The following DCAF4 variants were observed in gnomAD, a reference collection of about 807,000 sequenced individuals.
DCAF4 encodes the protein DDB1- and CUL4-associated factor 4.
In DCAF4, 37 loss-of-function variants were observed where a neutral mutation model predicts 60.9. The observed-to-expected ratio is 0.61, with a 90% CI of 0.47 to 0.80. DCAF4 has a LOEUF of 0.80. DCAF4 is among the 30% of genes least tolerant of loss of function. The pLI is 0.00. For missense variants in DCAF4, 577 were observed against 650.0 expected (o/e 0.89, Z 1.22); for synonymous variants, 243 against 254.8 (o/e 0.95, Z 0.44).
chr14:72,945,797 G>A, intron 6 of DCAF4, 87 bp from the exon 7 acceptor site: 1 of 1,546,882 alleles, frequency 6.5e-7, no homozygotes. Flanking sequence ...ACAGAGCATG[G>A]GGGCCAGGAG....
intron 1 of DCAF4, among the ~76,000 whole-genome samples, chr14:72,936,286 G>A (rs555594347): frequency 2.0e-5 from 3 of 152,288 alleles, no homozygotes; most frequent in African/African-American, 7.2e-5. Context: ...TTTTGGAGCC[G>A]GGCTTGGTGG....
intron 11 of DCAF4, among the ~76,000 whole-genome samples, chr14:72,955,047 G>A (rs1567328140): frequency 1.3e-5 from 2 of 151,222 alleles, no homozygotes; most frequent in Non-Finnish European, 2.9e-5. Context: ...GGAGGCGGAG[G>A]TTGCAGTGAG....
At chr14:72,961,290 C>T (rs766750331), downstream of DCAF4, among the ~76,000 whole-genome samples, 6 of 152,196 alleles carry the variant, frequency 3.9e-5, no homozygotes, top group Admixed American at 6.5e-5. Flanking sequence ...TTCCGCTCTT[C>T]CCAACTCTGA....
chr14:72,953,594 C>T (rs948905540), intron 9 of DCAF4, among the ~76,000 whole-genome samples: 2 of 148,930 alleles, frequency 1.3e-5, no homozygotes, highest in African/African-American at 5.0e-5. Context: ...CCTGTGATCC[C>T]AGCTACTTGG....
chr14:72,929,866 C>T, intron 1 of DCAF4: 3 of 1,478,446 alleles, frequency 2.0e-6, no homozygotes, highest in Non-Finnish European at 2.8e-6. Context: ...CCTGGGCTTG[C>T]TCACGTTCTT....
In DCAF4 at chr14:72,942,002, C is replaced by T. The variant is rs74062610; in HGVS notation, c.431+178C>T. The T allele has an allele frequency of 4.8e-3, 2,952 of 614,360 alleles. 65 individuals are homozygous for T. Among genetic ancestry groups the T allele is most frequent in the African/African-American group, 0.043 (2,319 of 54,032 alleles). The allele number at this position is 614,360 out of a possible 1,614,324, so 38.1% of individuals were successfully genotyped here. A position where few individuals can be genotyped will look rare whatever the true frequency, so the allele number is the denominator to read the frequency against. On this transcript the variant is annotated intron_variant, in intron 5 of 13. Coordinates refer to ENST00000358377, the MANE Select transcript of DCAF4 (RefSeq NM_015604.4). ...GCTGCTTAAACCCACCCTGAGAAAG[C>T]TGTTCTCTCTAGAGCGAAGGCGGGG...
intron 4 of DCAF4, 140 bp downstream of exon 4, chr14:72,940,517 T>C: frequency 1.2e-6 from 1 of 806,260 alleles, no homozygotes; most frequent in Non-Finnish European, 1.8e-6. Flanking sequence ...AGCTTTTCCC[T>C]GACAGGAAGA....
chr14:72,940,323 G>A lies in DCAF4; in HGVS notation c.297G>A (p.Lys99=). Residue 99 remains lysine, a synonymous_variant, in exon 4 of 14, where the codon AAG becomes AAA. Transcript: ENST00000358377. ...NPLTKESIRQ[K]EMESKRLRLL... is the part of the protein sequence containing the mutation. ...TGACGAAAGAGAGCATCCGGCAGAA[G>A]GAGATGGAGAGCAAGAGACTGCGGC... 6.2e-7 allele frequency: 1 copy of A among 1,614,160 alleles called. No individual in the cohort carries two copies. Among genetic ancestry groups the A allele is most frequent in the Non-Finnish European group, 8.5e-7 (1 of 1,180,028 alleles).
chr14:72,941,335 A>T (rs1420418592), intron 4 of DCAF4, among the ~76,000 whole-genome samples: 1 of 152,238 alleles, frequency 6.6e-6, no homozygotes, highest in African/African-American at 2.4e-5. Context: ...TGTTTGCAAT[A>T]CAGACCAACA....
Position 72,955,537 on chromosome 14 carries a change from T to C in DCAF4, c.1020T>C (p.Phe340=). 6.2e-7 allele frequency: 1 copy of C among 1,613,956 alleles called. No homozygotes were observed. Among genetic ancestry groups the C allele is most frequent in the East Asian group, 2.2e-5 (1 of 44,878 alleles). The stretch of plus-strand genomic sequence containing the variant: ...TCTTTCCACAGGCTCCTCTGCTGTT[T>C]AATGGCTGCCGCTCTGGGGAAATCT... The part of the protein sequence containing the change: ...QQFALMAPLL[F]NGCRSGEIFA... Residue 340 remains phenylalanine (F), a synonymous_variant, in exon 12 of 14, where the codon TTT becomes TTC. Coordinates refer to ENST00000358377, the MANE Select transcript of DCAF4 (RefSeq NM_015604.4).
chr14:72,926,782 C>A (rs185336435), intron 1 of DCAF4: 2 of 152,326 alleles, frequency 1.3e-5, no homozygotes, highest in Non-Finnish European at 2.9e-5. Context: ...GTGCTGCAAC[C>A]GTAAACACGC....
chr14:72,942,818 G>A (rs561034271), intron 5 of DCAF4, 176 bp from the exon 6 acceptor site: 13 of 604,280 alleles, frequency 2.2e-5, no homozygotes, highest in Non-Finnish European at 3.5e-5. Flanking sequence ...GCGTTCTGTG[G>A]GGAAACTCAA....
rs28374876 is a variant in DCAF4, at chr14:72,933,080, G to A, written c.-8-4891G>A. Among the ~76,000 whole-genome samples the A allele has an allele frequency of 6.8e-4, 103 of 152,268 alleles. 1 individual carries two copies. Among genetic ancestry groups the A allele is most frequent in the African/African-American group, 2.2e-3 (92 of 41,550 alleles). ...GAAGAATGTGTGGAAGCTGCCCTGC[G>A]CATTGTAGGGTGGTTAGCAGCATCC... is the stretch of plus-strand genomic sequence containing the variant. On this transcript the variant is annotated intron_variant, in intron 1 of 13. Transcript: ENST00000358377.
chr14:72,956,757 G>A (rs937975401), intron 13 of DCAF4: 7 of 416,048 alleles, frequency 1.7e-5, no homozygotes, highest in South Asian at 4.2e-5. Flanking sequence ...ACAGGCAGGT[G>A]GGGAGGTCCT....
At chr14:72,930,079 G>T (rs1449287605) in intron 1 of DCAF4, 2 of 541,428 alleles carry the variant, frequency 3.7e-6, no homozygotes, top group Non-Finnish European at 6.6e-6. Flanking sequence ...TGCCGGGAGC[G>T]GAGATCGCGC....
chr14:72,937,711 G>T (rs1280090328), intron 1 of DCAF4, among the ~76,000 whole-genome samples: 10 of 152,130 alleles, frequency 6.6e-5, no homozygotes, highest in Admixed American at 6.5e-5. Context: ...GAGCCACCGC[G>T]CCTGGCCGAC....
intron 1 of DCAF4, chr14:72,929,859 G>C: frequency 2.0e-6 from 3 of 1,480,084 alleles, no homozygotes; most frequent in Non-Finnish European, 2.8e-6. Flanking sequence ...GGCTGTGCCT[G>C]GGCTTGCTCA....
intron 1 of DCAF4, among the ~76,000 whole-genome samples, chr14:72,933,814 T>C (rs1888895050): frequency 1.3e-5 from 2 of 152,208 alleles, no homozygotes. Context: ...CTACCAGTTA[T>C]TCACTTAACC....
intron 1 of DCAF4, among the ~76,000 whole-genome samples, chr14:72,936,424 T>C (rs2140212810): frequency 6.6e-6 from 1 of 151,742 alleles, no homozygotes; most frequent in East Asian, 1.9e-4. Flanking sequence ...ATTAGCTGGG[T>C]GTGGTGGCAG....
Sources: gnomAD v4.1 joint callset for allele counts (sites outside exome capture counted in the v4.1 genomes callset) on GRCh38, gnomAD v4.1.1 for gene constraint, MANE v1.5 for transcripts, NCBI Gene and HGNC (gene_info 2026-07-23, HGNC 2026-07-21) for gene names.